TAFA5: variants seen among roughly 807,000 people sequenced by gnomAD.
TAFA5 encodes the protein chemokine-like protein TAFA-5.
A neutral mutation model predicts 15.3 loss-of-function variants in TAFA5; 6 were observed. The observed-to-expected ratio is 0.39, with a 90% CI of 0.21 to 0.77. The LOEUF is 0.77. TAFA5 is among the 30% of genes least tolerant of loss of function. TAFA5 has a pLI of 0.41. For synonymous variants in TAFA5, 103 were observed against 80.7 expected, an observed-to-expected ratio of 1.28 and a Z score of -1.48; for missense variants, 161 against 193.1, an observed-to-expected ratio of 0.83 and a Z score of 0.98.
intron 1 of TAFA5, among the ~76,000 whole-genome samples, chr22:48,612,159 C>T (rs1445033360): frequency 1.3e-5 from 2 of 152,152 alleles, no homozygotes; most frequent in African/African-American, 4.8e-5. Flanking sequence ...ACGGGGCTTC[C>T]TCCCCTGGGT....
At chr22:48,688,681 A>G (rs976318637) in intron 2 of TAFA5, among the ~76,000 whole-genome samples, 8 of 152,176 alleles carry the variant, frequency 5.3e-5, no homozygotes, top group African/African-American at 1.9e-4. Flanking sequence ...TCTGAGAAAC[A>G]GTGTGTCCTG....
intron 3 of TAFA5, among the ~76,000 whole-genome samples, chr22:48,724,786 G>T (rs77368062): frequency 1.3e-5 from 2 of 152,238 alleles, no homozygotes; most frequent in African/African-American, 4.8e-5. Flanking sequence ...CTAGTGATCA[G>T]AGGGTTCACA....
intron 3 of TAFA5, among the ~76,000 whole-genome samples, chr22:48,711,723 G>A (rs1929259749): frequency 6.6e-6 from 1 of 152,334 alleles, no homozygotes; most frequent in South Asian, 2.1e-4. Context: ...CTGAGTTGCT[G>A]CTAATTCCAT....
chr22:48,530,413 C>T lies in TAFA5; in HGVS notation c.112+40709C>T, dbSNP rs532798839. On this transcript the variant is annotated intron_variant, in intron 1 of 3. Transcript: ENST00000402357. The surrounding 1 kb of genome is among the most constrained non-coding windows in gnomAD (Gnocchi z 6.0). ...AATGCACCGGGCACTGTCGTGGGGC[C>T]GGCATTCAACTGAAAGGATTGGCTT... 6.6e-6 allele frequency among the ~76,000 whole-genome samples: 1 copy of T among 152,128 alleles called. No homozygotes were observed. The highest frequency in any genetic ancestry group is 1.9e-4 in the East Asian group (1 of 5,178).
At chr22:48,491,226 G>T (rs950916481) in intron 1 of TAFA5, among the ~76,000 whole-genome samples, 2 of 152,162 alleles carry the variant, frequency 1.3e-5, no homozygotes, top group African/African-American at 4.8e-5. Context: ...TTCCGCGGCC[G>T]TCACGGGGCC....
At chr22:48,628,032 G>T (rs972194118) in intron 1 of TAFA5, among the ~76,000 whole-genome samples, 27 of 152,202 alleles carry the variant, frequency 1.8e-4, no homozygotes, top group African/African-American at 6.3e-4. Context: ...TGCGATCCTG[G>T]TCAGGCTGGG....
intron 2 of TAFA5, among the ~76,000 whole-genome samples, chr22:48,699,431 T>C (rs1037561905): frequency 6.6e-6 from 1 of 151,962 alleles, no homozygotes; most frequent in Non-Finnish European, 1.5e-5. Context: ...GCAGCACGCG[T>C]TTTGCAGGGC....
chr22:48,733,464 T>G (rs140355251), intron 3 of TAFA5, among the ~76,000 whole-genome samples: 145 of 152,342 alleles, frequency 9.5e-4, no homozygotes, highest in African/African-American at 3.2e-3. Context: ...AAATGGAACC[T>G]TCAGGGGAGT....
intron 1 of TAFA5, among the ~76,000 whole-genome samples, chr22:48,554,790 CT>C (rs1479145946): frequency 6.6e-6 from 1 of 152,160 alleles, no homozygotes; most frequent in Non-Finnish European, 1.5e-5. Context: ...TCTCAAGAGC[CT>C]GCTGGTTTTT....
At chr22:48,626,991 CCG>C (rs1375235797) in intron 1 of TAFA5, among the ~76,000 whole-genome samples, 2 of 152,148 alleles carry the variant, frequency 1.3e-5, no homozygotes, top group African/African-American at 4.8e-5. Flanking sequence ...TGTGTGGGCT[CCG>C]TGGATGTTGG....
At chr22:48,527,866 G>T (rs1275972383) in intron 1 of TAFA5, among the ~76,000 whole-genome samples, 1 of 152,208 alleles carries the variant, frequency 6.6e-6, no homozygotes, top group African/African-American at 2.4e-5. Flanking sequence ...AGCCCGGCGC[G>T]AGGCTTCAGG....
chr22:48,601,327 A>AT (rs1217553411), intron 1 of TAFA5, among the ~76,000 whole-genome samples: 1 of 150,346 alleles, frequency 6.7e-6, no homozygotes, highest in Admixed American at 6.6e-5. Context: ...CTTTTTTTTT[A>AT]TTTTTTTATT....
intron 1 of TAFA5, among the ~76,000 whole-genome samples, chr22:48,638,936 G>T (rs865894046): frequency 7.2e-5 from 8 of 110,520 alleles, no homozygotes; most frequent in Middle Eastern, 7.6e-3. Context: ...ACCGCACACG[G>T]GGGGACCCCG....
intron 3 of TAFA5, among the ~76,000 whole-genome samples, chr22:48,733,805 C>T (rs1048869414): frequency 2.6e-5 from 4 of 152,124 alleles, no homozygotes; most frequent in Non-Finnish European, 5.9e-5. Context: ...GTGGGAGCCA[C>T]AGCAGCAGAG....
intron 1 of TAFA5, among the ~76,000 whole-genome samples, chr22:48,541,882 C>T (rs2147119515): frequency 6.6e-6 from 1 of 152,306 alleles, no homozygotes; most frequent in South Asian, 2.1e-4. Context: ...CTCTGGGCTC[C>T]CCCGGGGCAT....
intron 1 of TAFA5, among the ~76,000 whole-genome samples, chr22:48,507,889 C>T (rs960904096): frequency 6.6e-6 from 1 of 152,150 alleles, no homozygotes; most frequent in Admixed American, 6.5e-5. Context: ...TTTTGGGCAT[C>T]CCCAGCACGA....
At chr22:48,618,557 G>A (rs552359230) in intron 1 of TAFA5, among the ~76,000 whole-genome samples, 2 of 152,208 alleles carry the variant, frequency 1.3e-5, no homozygotes, top group African/African-American at 2.4e-5. Flanking sequence ...GTCCGCACCC[G>A]CAGCTCCGTC....
chr22:48,740,265 C>A (rs541625842), intron 3 of TAFA5, among the ~76,000 whole-genome samples: 1 of 152,232 alleles, frequency 6.6e-6, no homozygotes, highest in East Asian at 1.9e-4. Flanking sequence ...GCTGGGAGGA[C>A]GGCAGGGCAG....
In TAFA5 at chr22:48,542,511, A is replaced by T. The variant is rs1393769993; in HGVS notation, c.112+52807A>T. On this transcript the variant is annotated intron_variant, in intron 1 of 3. Transcript: ENST00000402357. Reference sequence around the variant, plus strand: ...TGTGTGGTGTGTGTGCGTGTGTGGCATGTGTGTGTGCATGTGTGGTGTGTG... The same window carrying T: ...TGTGTGGTGTGTGTGCGTGTGTGGCTTGTGTGTGTGCATGTGTGGTGTGTG... Among the ~76,000 whole-genome samples the T allele has an allele frequency of 3.1e-3, 158 of 50,606 alleles. 2 individuals are homozygous for T. Among genetic ancestry groups the T allele is most frequent in the Non-Finnish European group, 4.8e-3 (132 of 27,766 alleles). 33.2% of individuals were successfully genotyped at this position (50,606 alleles called of 152,430 possible). A position where few individuals can be genotyped will look rare whatever the true frequency, so the allele number is the denominator to read the frequency against.
Sources: allele counts gnomAD v4.1 joint callset (sites outside exome capture counted in the v4.1 genomes callset), GRCh38; gene constraint gnomAD v4.1.1; non-coding constraint Gnocchi (gnomAD v3.1); transcripts MANE v1.5; gene names NCBI Gene and HGNC (gene_info 2026-07-23, HGNC 2026-07-21).